KAZN: variants seen among roughly 807,000 people sequenced by gnomAD.
The protein encoded by KAZN is kazrin.
A neutral mutation model predicts 87.4 loss-of-function variants in KAZN; 40 were observed. The ratio of observed to expected loss-of-function variants is 0.46; its 90% CI spans 0.36 to 0.60. KAZN has a LOEUF of 0.60. Among genes scored for constraint, KAZN ranks in the 20% least tolerant of loss-of-function variants. The pLI is 0.00. For missense variants in KAZN, 898 were observed against 1,073.9 expected (o/e 0.84, Z 2.29); for synonymous variants, 466 against 458.3 (o/e 1.02, Z -0.22).
chr1:14,345,984 A>G (rs768725), intron 2 of KAZN, among the ~76,000 whole-genome samples: 42,216 of 152,174 alleles, frequency 0.28, 6,372 homozygotes, highest in East Asian at 0.48. Context: ...GCCTTATCGT[A>G]CTAATATTTG....
chr1:14,717,221 G>A (rs1017361400), intron 1 of KAZN, among the ~76,000 whole-genome samples: 1 of 151,712 alleles, frequency 6.6e-6, no homozygotes, highest in African/African-American at 2.4e-5. Flanking sequence ...ACAGGGATTC[G>A]TGTGTTCATC....
intron 1 of KAZN, among the ~76,000 whole-genome samples, chr1:14,703,344 G>T (rs115973312): frequency 0.024 from 3,697 of 152,256 alleles, 56 homozygotes; most frequent in Middle Eastern, 0.075. Context: ...AGAGATAATT[G>T]AATCATGGGA....
intron 1 of KAZN, among the ~76,000 whole-genome samples, chr1:13,973,214 A>C (rs192678154): frequency 3.9e-5 from 6 of 152,268 alleles, no homozygotes; most frequent in Admixed American, 3.9e-4. Flanking sequence ...GTATCATCTC[A>C]TGTAAACTTC....
rs139811064 is a variant in KAZN, at chr1:14,160,932, A to G, written c.92-19503A>G. Among the ~76,000 whole-genome samples, 765 of 152,270 alleles carry G rather than the reference A, an allele frequency of 5.0e-3. 4 individuals are homozygous for G. The highest frequency in any genetic ancestry group is 0.017 in the African/African-American group (704 of 41,544). ...GAAATAATTCGTTGCTGATAAGAGG[A>G]CTTATCTTTGTGGTTTGATGGAATC... is the stretch of plus-strand genomic sequence containing the variant. On this transcript the variant is annotated intron_variant, in intron 1 of 16. Transcript: ENST00000636203.
At chr1:15,004,803 A>G (rs78579428) in intron 2 of KAZN, among the ~76,000 whole-genome samples, 13,329 of 151,488 alleles carry the variant, frequency 0.088, 757 homozygotes, top group South Asian at 0.18. Context: ...TCACTTATTA[A>G]TAGATATCAT....
At chr1:14,194,542 C>G (rs1646487046) in intron 2 of KAZN, among the ~76,000 whole-genome samples, 1 of 152,132 alleles carries the variant, frequency 6.6e-6, no homozygotes, top group African/African-American at 2.4e-5. Flanking sequence ...TGTCCCCAGA[C>G]CCATCCTCTC....
exon 2 of KAZN, chr1:14,180,443 T>A: frequency 6.5e-7 from 1 of 1,550,070 alleles, no homozygotes. Flanking sequence ...AGCTGTGCAA[T>A]CATTGCACAC....
chr1:14,442,833 T>A (rs183587848), intron 2 of KAZN, among the ~76,000 whole-genome samples: 435 of 152,350 alleles, frequency 2.9e-3, no homozygotes, highest in Middle Eastern at 0.01. Context: ...GTGGTCTTGT[T>A]CATTGCCGCC....
intron 1 of KAZN, among the ~76,000 whole-genome samples, chr1:14,934,567 T>A (rs1300447505): frequency 6.6e-6 from 1 of 152,204 alleles, no homozygotes; most frequent in East Asian, 1.9e-4. Context: ...CCTGGGGTTT[T>A]GAACAGAAGG....
At chr1:14,556,245 G>A (rs1673864369) in intron 2 of KAZN, among the ~76,000 whole-genome samples, 1 of 151,854 alleles carries the variant, frequency 6.6e-6, no homozygotes, top group Admixed American at 6.6e-5. Flanking sequence ...GAGTAGCTGG[G>A]ACTACAGGTA....
chr1:14,999,517 T>TCCCCC (rs1557701638), intron 2 of KAZN, among the ~76,000 whole-genome samples: 7 of 80,992 alleles, frequency 8.6e-5, no homozygotes, highest in African/African-American at 3.5e-4. Flanking sequence ...CGCCCCGCCA[T>TCCCCC]CCAGACCTTG....
At chr1:15,053,233 G>A (rs535641054) in intron 4 of KAZN, among the ~76,000 whole-genome samples, 4 of 152,338 alleles carry the variant, frequency 2.6e-5, no homozygotes, top group South Asian at 2.1e-4. Flanking sequence ...CTGTGTGCAC[G>A]CACACCTGGA....
chr1:14,829,965 G>A (rs1220789226), intron 1 of KAZN, among the ~76,000 whole-genome samples: 2 of 152,202 alleles, frequency 1.3e-5, no homozygotes, highest in African/African-American at 4.8e-5. Context: ...ACTAGCAAGT[G>A]GTCAACACAT....
chr1:13,957,938 T>A (rs1371723626), intron 1 of KAZN, among the ~76,000 whole-genome samples: 1 of 152,190 alleles, frequency 6.6e-6, no homozygotes, highest in African/African-American at 2.4e-5. Context: ...AGTAGAAGTA[T>A]GATGATGACA....
chr1:15,009,744 T>C (rs1229449229), intron 2 of KAZN, among the ~76,000 whole-genome samples: 1 of 152,198 alleles, frequency 6.6e-6, no homozygotes, highest in Non-Finnish European at 1.5e-5. Context: ...ACATTTTTGT[T>C]ACATACAGAA....
chr1:14,574,434 C>T (rs78883673), intron 2 of KAZN, among the ~76,000 whole-genome samples: 9 of 152,196 alleles, frequency 5.9e-5, no homozygotes, highest in African/African-American at 1.9e-4. Context: ...ATCATGGAGG[C>T]GATTTCCCCC....
chr1:14,090,511 A>G (rs1643951609), intron 1 of KAZN, among the ~76,000 whole-genome samples: 1 of 151,888 alleles, frequency 6.6e-6, no homozygotes, highest in South Asian at 2.1e-4. Context: ...TTTCTCTCCA[A>G]TGTTTCTCTC....
At chr1:14,468,022 T>C (rs1311541924) in intron 2 of KAZN, among the ~76,000 whole-genome samples, 1 of 152,178 alleles carries the variant, frequency 6.6e-6, no homozygotes, top group African/African-American at 2.4e-5. Flanking sequence ...CAATATGGTC[T>C]GAGAGGAAAT....
rs735381 is a variant in KAZN at position 15,051,271 on chromosome 1, C to T, written c.727-4820C>T. On this transcript the variant is annotated intron_variant, in intron 4 of 14. Transcript: ENST00000376030. ...TGATGTGGGAGATGTGATGGGTGCACTGTGGCCTCCGGATCAGCGGAACCT... is the reference window on the plus strand; with the variant it reads ...TGATGTGGGAGATGTGATGGGTGCATTGTGGCCTCCGGATCAGCGGAACCT... 3.3e-3 allele frequency among the ~76,000 whole-genome samples: 505 copies of T among 152,356 alleles called. 3 individuals carry two copies. The South Asian group carries it at 0.042, about 13-fold the overall frequency.
Sources: allele counts gnomAD v4.1 joint callset (sites outside exome capture counted in the v4.1 genomes callset), GRCh38; gene constraint gnomAD v4.1.1; transcripts MANE v1.5; gene names NCBI Gene and HGNC (gene_info 2026-07-23, HGNC 2026-07-21).